Variants in PKNOX2 observed in about 807,000 individuals in gnomAD.
The protein encoded by PKNOX2 is homeobox protein PKNOX2.
Under a neutral mutation model 53.1 loss-of-function variants are expected in PKNOX2, and 14 were observed. The ratio of observed to expected loss-of-function variants is 0.26; its 90% CI spans 0.17 to 0.41. PKNOX2 has a LOEUF of 0.41. Among genes scored for constraint, PKNOX2 ranks in the 10% least tolerant of loss-of-function variants. The pLI is 1.00. For synonymous variants in PKNOX2, 257 were observed against 242.8 expected, an observed-to-expected ratio of 1.06 and a Z score of -0.54; for missense variants, 496 against 602.8, an observed-to-expected ratio of 0.82 and a Z score of 1.85.
At chr11:125,188,360 G>A (rs1420065099) in intron 1 of PKNOX2, among the ~76,000 whole-genome samples, 1 of 152,202 alleles carries the variant, frequency 6.6e-6, no homozygotes, top group Non-Finnish European at 1.5e-5. Flanking sequence ...GATAGATCAT[G>A]TCTTCTGGAG....
intron 1 of PKNOX2, among the ~76,000 whole-genome samples, chr11:125,211,477 T>C (rs1311511465): frequency 6.6e-6 from 1 of 152,134 alleles, no homozygotes; most frequent in African/African-American, 2.4e-5. Flanking sequence ...ATAATAAACA[T>C]CTATATAATA....
At chr11:125,252,630 C>T (rs1325941482) in intron 2 of PKNOX2, among the ~76,000 whole-genome samples, 1 of 152,018 alleles carries the variant, frequency 6.6e-6, no homozygotes, top group Non-Finnish European at 1.5e-5. Flanking sequence ...CTGGTTTGGG[C>T]AACTGGTGAA....
intron 1 of PKNOX2, among the ~76,000 whole-genome samples, chr11:125,195,576 G>A (rs947114502): frequency 8.5e-5 from 13 of 152,118 alleles, no homozygotes; most frequent in African/African-American, 2.9e-4. Flanking sequence ...GAAAGAACTG[G>A]TGATGGAGTA....
chr11:125,252,077 C>G (rs1359859391), intron 2 of PKNOX2, among the ~76,000 whole-genome samples: 1 of 152,172 alleles, frequency 6.6e-6, no homozygotes, highest in Admixed American at 6.5e-5. Context: ...GTGCCTCCAT[C>G]AGGCAAGGCC....
At chr11:125,371,885 G>A (rs1472497706) in intron 5 of PKNOX2, among the ~76,000 whole-genome samples, 1 of 152,198 alleles carries the variant, frequency 6.6e-6, no homozygotes, top group Non-Finnish European at 1.5e-5. Flanking sequence ...GATAGAGGGT[G>A]AGGTGGCTTC....
intron 5 of PKNOX2, 119 bp from the exon 6 acceptor site, chr11:125,385,432 G>A (rs1384085410): frequency 1.7e-6 from 2 of 1,164,850 alleles, no homozygotes; most frequent in Non-Finnish European, 2.4e-6. Flanking sequence ...ATGTTATCAA[G>A]GAGTGGGACC....
intron 3 of PKNOX2, among the ~76,000 whole-genome samples, chr11:125,335,742 C>T (rs1449574215): frequency 6.6e-6 from 1 of 152,044 alleles, no homozygotes. Flanking sequence ...TGCTTGAGGC[C>T]AGTAGGTTGA....
intron 1 of PKNOX2, among the ~76,000 whole-genome samples, chr11:125,232,369 G>A (rs1441085461): frequency 2.0e-5 from 3 of 152,206 alleles, no homozygotes; most frequent in Non-Finnish European, 2.9e-5. Context: ...TGCTTATTTT[G>A]TGTAAGGCAG....
At chr11:125,191,990 G>A (rs1354905272) in intron 1 of PKNOX2, among the ~76,000 whole-genome samples, 3 of 152,162 alleles carry the variant, frequency 2.0e-5, no homozygotes, top group African/African-American at 7.2e-5. Context: ...GGGTAATTGT[G>A]CATTACATGG....
At chr11:125,241,584 C>T (rs1254598022) in intron 2 of PKNOX2, among the ~76,000 whole-genome samples, 10 of 152,190 alleles carry the variant, frequency 6.6e-5, no homozygotes, top group East Asian at 5.8e-4. Context: ...GGGACTGGCG[C>T]GGTGGCTCAC....
chr11:125,181,510 C>T (rs1172565639), intron 1 of PKNOX2, among the ~76,000 whole-genome samples: 1 of 152,178 alleles, frequency 6.6e-6, no homozygotes, highest in Non-Finnish European at 1.5e-5. Context: ...CAATGAGGGA[C>T]TTGTGGTAGG....
intron 6 of PKNOX2, among the ~76,000 whole-genome samples, chr11:125,387,025 G>T (rs943257208): frequency 6.6e-6 from 1 of 152,158 alleles, no homozygotes; most frequent in Admixed American, 6.5e-5. Context: ...TCATCCTGGG[G>T]CATCCGTTTC....
chr11:125,167,366 C>T (rs1259085200), intron 1 of PKNOX2, among the ~76,000 whole-genome samples: 1 of 152,162 alleles, frequency 6.6e-6, no homozygotes, highest in East Asian at 1.9e-4. Context: ...CTCGGCGGCC[C>T]GGGGCGCGGC....
chr11:125,346,374 T>C (rs1369683966), intron 3 of PKNOX2, among the ~76,000 whole-genome samples: 1 of 152,214 alleles, frequency 6.6e-6, no homozygotes. Flanking sequence ...ATGTGTGCAG[T>C]GCAAATCCTG....
intron 1 of PKNOX2, among the ~76,000 whole-genome samples, chr11:125,168,655 A>C (rs1955057543): frequency 6.6e-6 from 1 of 152,226 alleles, no homozygotes; most frequent in African/African-American, 2.4e-5. Flanking sequence ...AGGCATGCCT[A>C]GAAAGCAAAA....
chr11:125,392,576 C>T (rs1182520835), intron 6 of PKNOX2, among the ~76,000 whole-genome samples: 2 of 152,194 alleles, frequency 1.3e-5, no homozygotes, highest in Non-Finnish European at 2.9e-5. Context: ...CACTGTGCAC[C>T]AGACCTGGTT....
At position 125,391,014 on chromosome 11, in the gene PKNOX2, C is replaced by T. The variant is rs142303482; in HGVS notation, c.399+5292C>T. Reference sequence around the variant, plus strand: ...ATTCCTGATTAGATTTGAGCATTGGCAGGCACAGTGACCCACAGGAAATAT... The same window carrying T: ...ATTCCTGATTAGATTTGAGCATTGGTAGGCACAGTGACCCACAGGAAATAT... On this transcript the variant is annotated intron_variant, in intron 6 of 12. Coordinates refer to ENST00000298282, the MANE Select transcript of PKNOX2 (RefSeq NM_001382323.2). Among the ~76,000 whole-genome samples, 289 of 152,298 alleles carry T rather than the reference C, an allele frequency of 1.9e-3. No homozygotes were observed. In the Middle Eastern group the frequency reaches 0.02, roughly 11 times the overall value.
intron 1 of PKNOX2, among the ~76,000 whole-genome samples, chr11:125,208,231 G>T (rs1939384916): frequency 6.6e-6 from 1 of 152,022 alleles, no homozygotes; most frequent in South Asian, 2.1e-4. Context: ...AGGTCCTGAG[G>T]CAGGTAAATT....
intron 6 of PKNOX2, among the ~76,000 whole-genome samples, chr11:125,394,060 T>C (rs1954242859): frequency 6.6e-6 from 1 of 152,154 alleles, no homozygotes; most frequent in African/African-American, 2.4e-5. Flanking sequence ...ATGAGATGGT[T>C]GTGTGGAATA....
Sources: gnomAD v4.1 joint callset for allele counts (sites outside exome capture counted in the v4.1 genomes callset) on GRCh38, gnomAD v4.1.1 for gene constraint, MANE v1.5 for transcripts, NCBI Gene and HGNC (gene_info 2026-07-23, HGNC 2026-07-21) for gene names.